LPCAT1: variants seen among roughly 807,000 people sequenced by gnomAD.
The protein encoded by LPCAT1 is 1-acylglycerol-3-phosphate O-acyltransferase.
Under a neutral mutation model 60.9 loss-of-function variants are expected in LPCAT1, and 23 were observed. The observed-to-expected ratio is 0.38, with a 90% CI of 0.27 to 0.53. LPCAT1 has a LOEUF of 0.53. Ranked by LOEUF, LPCAT1 falls within the 20% of genes least tolerant of loss-of-function variation. LPCAT1 has a pLI of 0.82. For synonymous variants in LPCAT1, 340 were observed against 301.1 expected (o/e 1.13, Z -1.34); for missense variants, 622 against 723.6 (o/e 0.86, Z 1.61).
Position 1,480,864 on chromosome 5 carries a change from G to C in LPCAT1, c.761+78C>G. 2 of 1,536,180 alleles carry C rather than the reference G, an allele frequency of 1.3e-6. No individual in the cohort carries two copies. The highest frequency in any genetic ancestry group is 1.1e-5 in the South Asian group (1 of 89,542). ...TTTCACAACTGCAAAAGTAACTAGC[G>C]TGCACAGCAGACCCCAAGCAGCCCC... On this transcript the variant is annotated intron_variant, in intron 7 of 13. Transcript: ENST00000283415. The surrounding 1 kb of genome is among the most constrained non-coding windows in gnomAD (Gnocchi z 6.4).
chr5:1,519,595 T>C (rs1474801431), intron 1 of LPCAT1, among the ~76,000 whole-genome samples: 1 of 152,294 alleles, frequency 6.6e-6, no homozygotes, highest in African/African-American at 2.4e-5. Flanking sequence ...CAGGCATCCA[T>C]GCTAAGCCAG....
At chr5:1,513,075 G>A (rs1476010890) in intron 1 of LPCAT1, among the ~76,000 whole-genome samples, 1 of 152,188 alleles carries the variant, frequency 6.6e-6, no homozygotes, top group East Asian at 1.9e-4. Context: ...GCCCAGGCAG[G>A]GTGGCTATGT....
Position 1,483,493 on chromosome 5 carries a change from A to G in LPCAT1, c.668-7T>C. The G allele has an allele frequency of 1.2e-6, 2 of 1,613,684 alleles. No individual in the cohort carries two copies. Among genetic ancestry groups the G allele is most frequent in the African/African-American group, 2.7e-5 (2 of 75,056 alleles). ...GCTCCAGGGATGAATGCACCTGCCG[A>G]GAAAGGAACAGCGGTGTTGCCCATG... On this transcript the variant is annotated splice_polypyrimidine_tract_variant and splice_region_variant and intron_variant, in intron 5 of 13. Transcript: ENST00000283415. This position sits in a 1 kb window ranked among gnomAD's most constrained non-coding sequence, Gnocchi z 9.2.
At chr5:1,466,622 G>A (rs1734416611) in intron 13 of LPCAT1, 127 bp downstream of exon 13, 5 of 1,055,770 alleles carry the variant, frequency 4.7e-6, no homozygotes, top group African/African-American at 1.6e-5. Context: ...GTTACACAGG[G>A]CAGCCTGGTG....
At chr5:1,474,485 C>A in intron 10 of LPCAT1, 75 bp downstream of exon 10, 1 of 1,561,814 alleles carries the variant, frequency 6.4e-7, no homozygotes, top group South Asian at 1.2e-5. Context: ...CTCCCTGCAA[C>A]CCCAGGCAGC....
intron 2 of LPCAT1, among the ~76,000 whole-genome samples, chr5:1,498,634 A>G (rs1410369477): frequency 2.0e-5 from 3 of 149,526 alleles, no homozygotes; most frequent in African/African-American, 4.9e-5. Context: ...TTGCACATAT[A>G]CACACATACA....
At chr5:1,470,387 A>C (rs1418018352) in intron 12 of LPCAT1, among the ~76,000 whole-genome samples, 1 of 151,494 alleles carries the variant, frequency 6.6e-6, no homozygotes, top group Non-Finnish European at 1.5e-5. Context: ...GGGACCCCAG[A>C]CTCCCCCAGT....
rs964330761 is a variant in LPCAT1, at chr5:1,495,335, G to T, written c.279-421C>A. On this transcript the variant is annotated intron_variant, in intron 2 of 13. Coordinates refer to ENST00000283415, the MANE Select transcript of LPCAT1 (RefSeq NM_024830.5). The surrounding 1 kb of genome is among the most constrained non-coding windows in gnomAD (Gnocchi z 4.7). Reference sequence around the variant, plus strand: ...CTAAAACGCATATCGCAATATGGGGGGGGGGGCGCTCAGAGCTGAGGGCGG... The same window carrying T: ...CTAAAACGCATATCGCAATATGGGGTGGGGGGCGCTCAGAGCTGAGGGCGG... 3.2e-4 allele frequency among the ~76,000 whole-genome samples: 49 copies of T among 152,038 alleles called. No homozygotes were observed. Among genetic ancestry groups the T allele is most frequent in the Middle Eastern group, 3.4e-3 (1 of 294 alleles).
At chr5:1,519,202 T>C (rs114167059) in intron 1 of LPCAT1, among the ~76,000 whole-genome samples, 1,578 of 152,380 alleles carry the variant, frequency 0.01, 28 homozygotes, top group African/African-American at 0.036. Context: ...GGTGCTTTGC[T>C]GTCAGCTGTA....
intron 7 of LPCAT1, 104 bp from the exon 8 acceptor site, chr5:1,479,779 C>T (rs1242503301): frequency 1.4e-5 from 12 of 862,474 alleles, no homozygotes; most frequent in African/African-American, 5.0e-5. Context: ...CTCCAGAGGG[C>T]GCTACTGGGC....
chr5:1,497,159 C>G (rs940326481), intron 2 of LPCAT1, among the ~76,000 whole-genome samples: 7 of 152,220 alleles, frequency 4.6e-5, no homozygotes, highest in African/African-American at 1.4e-4. Flanking sequence ...GAACAGGGCG[C>G]TGAGGAGCAT....
chr5:1,505,689 G>A (rs1736163731), intron 1 of LPCAT1, among the ~76,000 whole-genome samples: 2 of 151,990 alleles, frequency 1.3e-5, no homozygotes, highest in Admixed American at 6.5e-5. Context: ...CGCACATAGG[G>A]AAGACTGGGC....
intron 13 of LPCAT1, among the ~76,000 whole-genome samples, chr5:1,464,039 C>T (rs548338145): frequency 6.6e-6 from 1 of 152,192 alleles, no homozygotes; most frequent in Non-Finnish European, 1.5e-5. Flanking sequence ...CCCTGACAAC[C>T]GGGGCAGGCT....
At chr5:1,506,188 A>C (rs36971) in intron 1 of LPCAT1, among the ~76,000 whole-genome samples, 2 of 152,008 alleles carry the variant, frequency 1.3e-5, no homozygotes, top group African/African-American at 4.8e-5. Context: ...GTGCTGTGAA[A>C]ACTGCTTGGA....
chr5:1,504,567 A>G (rs537808989), intron 1 of LPCAT1, among the ~76,000 whole-genome samples: 1 of 152,318 alleles, frequency 6.6e-6, no homozygotes, highest in Admixed American at 6.5e-5. Flanking sequence ...ATACAAAAGT[A>G]GCCGGGCGTG....
Position 1,494,891 on chromosome 5 carries a change from G to T in LPCAT1, c.302C>A (p.Ala101Asp). Reference sequence around the variant, plus strand: ...GGCGAACCACATGGTGCGCATGATGGCCTTCAGCAGGAAGTCCACAACCCT... The same window carrying T: ...GGCGAACCACATGGTGCGCATGATGTCCTTCAGCAGGAAGTCCACAACCCT... ...WRKVVDFLLK[A>D]IMRTMWFAGG... The change falls in exon 3 of 14, where the codon GCC becomes GAC. Residue 101 changes from alanine (A) to aspartate (D), a missense_variant. Physicochemically the swap from Ala to Asp is moderately radical, Grantham distance 126. Transcript: ENST00000283415. The T allele has an allele frequency of 6.2e-7, 1 of 1,611,712 alleles. No individual in the cohort carries two copies.
chr5:1,486,118 C>CTCA (rs1340316576), intron 5 of LPCAT1, among the ~76,000 whole-genome samples: 6 of 152,192 alleles, frequency 3.9e-5, no homozygotes, highest in African/African-American at 1.4e-4. Context: ...TGCCCTCTGA[C>CTCA]AAGGAGGGTG....
rs1017735932 is a variant in LPCAT1, at chr5:1,481,843, G to T, written c.727-867C>A. Among the ~76,000 whole-genome samples, 1 of 152,222 alleles carries T rather than the reference G, an allele frequency of 6.6e-6. No homozygotes were observed. Among genetic ancestry groups the T allele is most frequent in the Non-Finnish European group, 1.5e-5 (1 of 68,036 alleles). On this transcript the variant is annotated intron_variant, in intron 6 of 13. Transcript: ENST00000283415. This position sits in a 1 kb window ranked among gnomAD's most constrained non-coding sequence, Gnocchi z 7.8. ...AGGTCTTTCAGTCGTGTGACTACCG[G>T]CCCTGACTCCATTTTATTACCTGAC... is the stretch of plus-strand genomic sequence containing the variant.
At position 1,501,686 on chromosome 5, in the gene LPCAT1, G is replaced by C; in HGVS notation, c.136-83C>G. Reference sequence around the variant, plus strand: ...CACCCGGCAGAGGCTAGCCCAGGGGGACAGCGCGCCCCACAGAGTGGAGAG... The same window carrying C: ...CACCCGGCAGAGGCTAGCCCAGGGGCACAGCGCGCCCCACAGAGTGGAGAG... On this transcript the variant is annotated intron_variant, in intron 1 of 13. Transcript: ENST00000283415. The C allele has an allele frequency of 3.6e-6, 5 of 1,395,602 alleles. No individual in the cohort carries two copies. The South Asian group carries it at 6.1e-5, about 17-fold the overall frequency. 86.5% of individuals were successfully genotyped at this position (1,395,602 alleles called of 1,614,324 possible). A position where few individuals can be genotyped will look rare whatever the true frequency, so the allele number is the denominator to read the frequency against.
Sources: gnomAD v4.1 joint callset for allele counts (sites outside exome capture counted in the v4.1 genomes callset) on GRCh38, gnomAD v4.1.1 for gene constraint, Gnocchi (gnomAD v3.1) non-coding constraint, MANE v1.5 for transcripts, NCBI Gene and HGNC (gene_info 2026-07-23, HGNC 2026-07-21) for gene names.